The following SOS2 variants were observed in gnomAD, a reference collection of about 807,000 sequenced individuals.
SOS2 encodes son of sevenless homolog 2.
A neutral mutation model predicts 148.2 loss-of-function variants in SOS2; 65 were observed. The observed-to-expected ratio is 0.44, with a 90% CI of 0.36 to 0.54. The LOEUF (loss-of-function observed/expected upper bound fraction) is 0.54. SOS2 is among the 20% of genes least tolerant of loss of function. The probability of loss-of-function intolerance (pLI) is 0.00; values close to 1 mark genes in which losing one functional copy is unlikely to be tolerated. For synonymous variants in SOS2, 539 were observed against 537.1 expected (o/e 1.00, Z -0.05); for missense variants, 1,341 against 1,590.2 (o/e 0.84, Z 2.67).
At chr14:50,135,071 C>CAAA (rs746540364) in intron 18 of SOS2, among the ~76,000 whole-genome samples, 1,109 of 57,374 alleles carry the variant, frequency 0.019, 42 homozygotes, top group African/African-American at 0.026. Context: ...GAGACTGTCT[C>CAAA]AAAAAAAAAA....
intron 1 of SOS2, among the ~76,000 whole-genome samples, chr14:50,224,280 G>T (rs1274299241): frequency 8.3e-6 from 1 of 120,440 alleles, no homozygotes; most frequent in Non-Finnish European, 1.7e-5. Flanking sequence ...GACAGAGCAA[G>T]ACTCCGTCTC....
At position 50,128,520 on chromosome 14, in the gene SOS2, A is replaced by G. The variant is rs190240682; in HGVS notation, c.3379+1441T>C. Reference sequence around the variant, plus strand: ...AAGAAAGGAAGCATAGCAGTGAATAATATTTGCCCCAAATGTGGTTAAGTA... The same window carrying G: ...AAGAAAGGAAGCATAGCAGTGAATAGTATTTGCCCCAAATGTGGTTAAGTA... On this transcript the variant is annotated intron_variant, in intron 21 of 22. Coordinates refer to ENST00000216373, the MANE Select transcript of SOS2 (RefSeq NM_006939.4). Among the ~76,000 whole-genome samples the G allele has an allele frequency of 1.4e-3, 220 of 152,318 alleles. 1 individual carries two copies. The highest frequency in any genetic ancestry group is 4.8e-3 in the African/African-American group (199 of 41,580).
intron 4 of SOS2, 63 bp from the exon 5 acceptor site, chr14:50,188,763 A>C: frequency 1.8e-6 from 2 of 1,112,388 alleles, no homozygotes; most frequent in African/African-American, 1.6e-5. Context: ...AACTGCCTCA[A>C]AGTACTTGAA....
chr14:50,188,519 T>C lies in SOS2; in HGVS notation c.692A>G (p.Asp231Gly), dbSNP rs963071220. ...TACAGAAGGTTTAAACAGCTTTCTA[T>C]CAGAAAGAAAGGCTTCTCGAAACAC... ...IKVFREAFLS[D>G]RKLFKPSDIE... Residue 231 changes from aspartate to glycine, a missense_variant, in exon 5 of 23, where the codon GAT becomes GGT. By Grantham distance (94) the Asp-to-Gly change is moderately conservative. Around this residue, in one of 4 missense-constraint regions of SOS2, gnomAD observed 574 missense variants for 711.1 expected, o/e 0.81. Coordinates refer to ENST00000216373, the MANE Select transcript of SOS2 (RefSeq NM_006939.4). 2.5e-6 allele frequency: 4 copies of C among 1,599,330 alleles called. No homozygotes were observed. Among genetic ancestry groups the C allele is most frequent in the South Asian group, 1.1e-5 (1 of 88,270 alleles).
chr14:50,161,922 T>G (rs904491388), intron 8 of SOS2, among the ~76,000 whole-genome samples: 7 of 151,916 alleles, frequency 4.6e-5, no homozygotes, highest in Non-Finnish European at 8.8e-5. Flanking sequence ...AGCTAATTTT[T>G]AAAATTTCTG....
At chr14:50,209,958 T>C (rs926282482) in intron 1 of SOS2, among the ~76,000 whole-genome samples, 1 of 152,156 alleles carries the variant, frequency 6.6e-6, no homozygotes, top group African/African-American at 2.4e-5. Flanking sequence ...AATTGATACA[T>C]GCAGTTATAA....
chr14:50,168,953 T>C (rs936110861), intron 8 of SOS2, among the ~76,000 whole-genome samples: 2 of 152,182 alleles, frequency 1.3e-5, no homozygotes, highest in Non-Finnish European at 2.9e-5. Context: ...TAAAACAAGA[T>C]GGAAAAACAA....
intron 18 of SOS2, among the ~76,000 whole-genome samples, chr14:50,135,071 C>CAAAAAAAAAAAAAAAAAA (rs746540364): frequency 5.2e-5 from 3 of 57,502 alleles, no homozygotes; most frequent in African/African-American, 6.7e-5. Context: ...GAGACTGTCT[C>CAAAAAAAAAAAAAAAAAA]AAAAAAAAAA....
At chr14:50,139,789 T>C (rs1473422135) in intron 17 of SOS2, among the ~76,000 whole-genome samples, 153 bp downstream of exon 17, 3 of 152,194 alleles carry the variant, frequency 2.0e-5, no homozygotes, top group African/African-American at 4.8e-5. Flanking sequence ...CTTCATTTTA[T>C]AGAAAATAGA....
chr14:50,139,992 T>C lies in SOS2; in HGVS notation c.2735A>G (p.Lys912Arg), dbSNP rs1246299964. 1.2e-6 allele frequency: 2 copies of C among 1,609,576 alleles called. No individual in the cohort carries two copies. The highest frequency in any genetic ancestry group is 4.5e-5 in the East Asian group (2 of 44,738). ...AVELSQDHFKKYLVKLKSINP... is the reference protein window; with the variant it reads ...AVELSQDHFKRYLVKLKSINP... ...GATTGACTTAAGTTTTACTAGGTAT[T>C]TTTTAAAGTGATCTTGACTTAATTC... Residue 912 changes from lysine (K) to arginine (R), a missense_variant, in exon 17 of 23, where the codon AAA becomes AGA. By Grantham distance (26) the Lys-to-Arg change is conservative. This residue lies in a region of SOS2 where 408 missense variants were observed against 506.6 expected (regional missense o/e 0.81). Transcript: ENST00000216373.
intron 19 of SOS2, among the ~76,000 whole-genome samples, chr14:50,133,609 C>T (rs946020774): frequency 1.3e-5 from 2 of 152,142 alleles, no homozygotes; most frequent in Non-Finnish European, 2.9e-5. Flanking sequence ...TTTTTACTTC[C>T]TTCTATATCT....
At chr14:50,132,909 GT>G (rs1338622834) in intron 19 of SOS2, among the ~76,000 whole-genome samples, 1 of 152,030 alleles carries the variant, frequency 6.6e-6, no homozygotes, top group Non-Finnish European at 1.5e-5. Flanking sequence ...TTCTTTGAGA[GT>G]TTTGATGGCA....
intron 1 of SOS2, among the ~76,000 whole-genome samples, chr14:50,212,642 A>C (rs992506767): frequency 6.6e-6 from 1 of 152,210 alleles, no homozygotes; most frequent in Non-Finnish European, 1.5e-5. Flanking sequence ...GTTACACTTC[A>C]CCATAAATGA....
intron 18 of SOS2, among the ~76,000 whole-genome samples, 196 bp downstream of exon 18, chr14:50,138,416 C>A (rs1161817715): frequency 6.6e-6 from 1 of 152,142 alleles, no homozygotes; most frequent in East Asian, 1.9e-4. Flanking sequence ...CCGCCTTGGC[C>A]TCCCAAAGTG....
intron 1 of SOS2, among the ~76,000 whole-genome samples, chr14:50,209,274 C>CGTGTGTGTGTCTGTGTGTGTGTGT (rs1886780957): frequency 2.5e-5 from 3 of 118,276 alleles, no homozygotes; most frequent in Admixed American, 1.7e-4. Context: ...CCTTAAATGT[C>CGTGTGTGTGTCTGTGTGTGTGTGT]GTGTGTGTGT....
At chr14:50,205,305 G>C (rs902671625) in intron 1 of SOS2, among the ~76,000 whole-genome samples, 1 of 152,080 alleles carries the variant, frequency 6.6e-6, no homozygotes, top group Admixed American at 6.6e-5. Context: ...TCCCACCTCA[G>C]CTTCCCAAAG....
intron 1 of SOS2, among the ~76,000 whole-genome samples, chr14:50,213,494 G>T (rs1159672654): frequency 6.6e-6 from 1 of 152,082 alleles, no homozygotes; most frequent in Non-Finnish European, 1.5e-5. Context: ...GAGGCCAGGA[G>T]TTCAAGACCA....
At chr14:50,218,218 G>GAAAAAAAAAAA (rs35149667) in intron 1 of SOS2, among the ~76,000 whole-genome samples, 1 of 95,820 alleles carries the variant, frequency 1.0e-5, no homozygotes. Context: ...TCGATAAAAG[G>GAAAAAAAAAAA]AAAAAAAAAA....
At chr14:50,160,496 C>T (rs1884965208) in intron 9 of SOS2, among the ~76,000 whole-genome samples, 1 of 148,090 alleles carries the variant, frequency 6.8e-6, no homozygotes, top group African/African-American at 2.5e-5. Context: ...AAGTGATTCT[C>T]CTGCCTCAGC....
Sources: allele counts gnomAD v4.1 joint callset (sites outside exome capture counted in the v4.1 genomes callset), GRCh38; gene constraint gnomAD v4.1.1; regional missense constraint gnomAD v4.1.1; transcripts MANE v1.5; gene names NCBI Gene and HGNC (gene_info 2026-07-23, HGNC 2026-07-21).